BPIFA2: variants seen among roughly 807,000 people sequenced by gnomAD.
BPIFA2 encodes BPI fold containing family A member 2, also known as BPI fold-containing family A member 2.
In BPIFA2, 20 loss-of-function variants were observed where a neutral mutation model predicts 25.7. The observed-to-expected ratio is 0.78, with a 90% CI of 0.55 to 1.13. The LOEUF (loss-of-function observed/expected upper bound fraction) is 1.13, where lower values mean the gene tolerates loss of function less well. Among genes scored for constraint, BPIFA2 ranks in the 50% most tolerant of loss-of-function variants. BPIFA2 has a pLI of 0.00. For missense variants in BPIFA2, 300 were observed against 298.1 expected (o/e 1.01, Z -0.05); for synonymous variants, 126 against 124.3 (o/e 1.01, Z -0.09).
intron 3 of BPIFA2, 60 bp from the exon 4 acceptor site, chr20:33,174,019 A>G: frequency 2.9e-6 from 4 of 1,401,410 alleles, no homozygotes; most frequent in African/African-American, 1.4e-5. Flanking sequence ...TGGCCCAGGG[A>G]AGTGGTTGGC....
At chr20:33,178,565 A>G (rs1984163248) in intron 6 of BPIFA2, among the ~76,000 whole-genome samples, 1 of 152,216 alleles carries the variant, frequency 6.6e-6, no homozygotes, top group South Asian at 2.1e-4. Context: ...TTATATCCCT[A>G]TCATAAATAG....
upstream of BPIFA2, among the ~76,000 whole-genome samples, chr20:33,163,789 A>AATAT (rs142912228): frequency 2.4e-4 from 36 of 148,624 alleles, 1 homozygote; most frequent in Admixed American, 6.7e-5. Context: ...CTTTGTTTAA[A>AATAT]ATATATATAT....
At chr20:33,176,844 G>T (rs1984095011) in intron 5 of BPIFA2, among the ~76,000 whole-genome samples, 1 of 152,078 alleles carries the variant, frequency 6.6e-6, no homozygotes, top group South Asian at 2.1e-4. Flanking sequence ...TGTTTCTCAA[G>T]GCTCTTTCCC....
At chr20:33,164,884 C>T (rs982883088), upstream of BPIFA2, among the ~76,000 whole-genome samples, 5 of 152,238 alleles carry the variant, frequency 3.3e-5, no homozygotes, top group Non-Finnish European at 7.3e-5. Context: ...ATTCAGGGAA[C>T]ATTCCATGGG....
chr20:33,175,645 G>A (rs1984054214), intron 5 of BPIFA2, 86 bp downstream of exon 5: 3 of 1,381,544 alleles, frequency 2.2e-6, no homozygotes, highest in Non-Finnish European at 2.0e-6. Flanking sequence ...CCTAAGAGGA[G>A]GCCTAGTGGT....
At chr20:33,170,874 T>C (rs955164635) in intron 2 of BPIFA2, among the ~76,000 whole-genome samples, 1 of 152,238 alleles carries the variant, frequency 6.6e-6, no homozygotes, top group Non-Finnish European at 1.5e-5. Flanking sequence ...GGGTTTTACA[T>C]TTAAGTATTT....
chr20:33,180,379 G>T, intron 7 of BPIFA2, 141 bp from the exon 8 acceptor site: 1 of 859,920 alleles, frequency 1.2e-6, no homozygotes, highest in Non-Finnish European at 1.9e-6. Flanking sequence ...TGAACAAACT[G>T]AAGCTCAGAG....
chr20:33,172,992 T>C lies in BPIFA2; in HGVS notation c.218T>C (p.Leu73Pro), dbSNP rs528973379. ...GVLQKSSAWQ[L>P]AKQKAQEAEK... ...CTTCAGAAATCCAGTGCTTGGCAAC[T>C]GGCCAAGCAGAAGGCCCAGGAAGCT... The change falls in exon 3 of 9, where the codon CTG becomes CCG. Residue 73 changes from leucine to proline, a missense_variant. Coordinates refer to ENST00000354932, the MANE Select transcript of BPIFA2 (RefSeq NM_080574.4). The C allele has an allele frequency of 9.9e-6, 16 of 1,614,068 alleles. No homozygotes were observed. The South Asian group carries it at 1.8e-4, about 18-fold the overall frequency.
chr20:33,168,120 CT>C (rs1370444183), upstream of BPIFA2: 4 of 144,104 alleles, frequency 2.8e-5, no homozygotes, highest in Non-Finnish European at 6.2e-5. Context: ...TCCATCCCAT[CT>C]CCACCATATA....
chr20:33,175,001 C>G (rs1343347146), intron 4 of BPIFA2, among the ~76,000 whole-genome samples: 6 of 152,156 alleles, frequency 3.9e-5, no homozygotes, highest in Admixed American at 3.9e-4. Flanking sequence ...ACTAATGATG[C>G]CACCCATTAT....
intron 7 of BPIFA2, among the ~76,000 whole-genome samples, chr20:33,180,304 CTA>C (rs1218031226): frequency 1.3e-5 from 2 of 152,170 alleles, no homozygotes. Flanking sequence ...TCTGTACACA[CTA>C]TCTCACTGGA....
At chr20:33,173,452 G>A (rs915022379) in intron 3 of BPIFA2, among the ~76,000 whole-genome samples, 1 of 152,238 alleles carries the variant, frequency 6.6e-6, no homozygotes, top group African/African-American at 2.4e-5. Flanking sequence ...TGGAGTCTTC[G>A]CCACATAACC....
chr20:33,175,966 C>A lies in BPIFA2; in HGVS notation c.563+407C>A, dbSNP rs1320127403. 2.6e-5 allele frequency among the ~76,000 whole-genome samples: 4 copies of A among 151,958 alleles called. No individual in the cohort carries two copies. The East Asian group carries it at 7.7e-4, about 29-fold the overall frequency. ...AACTCGGTCAGTTTCTGCTTCATACCCTTTGGAGCTCTGTTGTTAGGTGCA... is the reference window on the plus strand; with the variant it reads ...AACTCGGTCAGTTTCTGCTTCATACACTTTGGAGCTCTGTTGTTAGGTGCA... On this transcript the variant is annotated intron_variant, in intron 5 of 8. Coordinates refer to ENST00000354932, the MANE Select transcript of BPIFA2 (RefSeq NM_080574.4).
chr20:33,163,117 A>G (rs1983626361), intron 1 of BPIFA2, among the ~76,000 whole-genome samples: 1 of 152,216 alleles, frequency 6.6e-6, no homozygotes, highest in Non-Finnish European at 1.5e-5. Context: ...CACACAGGAC[A>G]GGACCCAGGT....
At chr20:33,164,618 C>T (rs1983672294), upstream of BPIFA2, among the ~76,000 whole-genome samples, 1 of 151,618 alleles carries the variant, frequency 6.6e-6, no homozygotes, top group Non-Finnish European at 1.5e-5. Context: ...TTCTTCCCTC[C>T]CTCCTTCCCT....
At position 33,175,498 on chromosome 20, in the gene BPIFA2, G is replaced by C. The variant is rs1455163756; in HGVS notation, c.502G>C (p.Val168Leu). Residue 168 changes from valine to leucine, a missense_variant, in exon 5 of 9, where the codon GTT (valine) becomes CTT (leucine). Physicochemically the swap from Val to Leu is conservative, Grantham distance 32 (BLOSUM62 1). Transcript: ENST00000354932. ...IETDPQTHQP[V>L]AVLGECASDP... Reference sequence around the variant, plus strand: ...AACTGATCCCCAGACACACCAGCCTGTTGCCGTCCTGGGAGAATGCGCCAG... The same window carrying C: ...AACTGATCCCCAGACACACCAGCCTCTTGCCGTCCTGGGAGAATGCGCCAG... 2 of 1,614,158 alleles carry C rather than the reference G, an allele frequency of 1.2e-6. No individual in the cohort carries two copies. Among genetic ancestry groups the C allele is most frequent in the Non-Finnish European group, 8.5e-7 (1 of 1,180,012 alleles).
rs145190686 is a variant in BPIFA2 at position 33,168,580 on chromosome 20, C to T, written c.-16+371C>T. Among the ~76,000 whole-genome samples, 197 of 152,252 alleles carry T rather than the reference C, an allele frequency of 1.3e-3. 4 individuals are homozygous for T. The East Asian group carries it at 0.033, about 26-fold the overall frequency. ...TACTTATATTCAACAAAGATTTATT[C>T]GTTTACTGTACTGTACTAGGTGCAG... On this transcript the variant is annotated intron_variant, in intron 1 of 8. Coordinates refer to ENST00000354932, the MANE Select transcript of BPIFA2 (RefSeq NM_080574.4).
chr20:33,176,741 C>G (rs1984091814), intron 5 of BPIFA2, among the ~76,000 whole-genome samples: 1 of 152,186 alleles, frequency 6.6e-6, no homozygotes, highest in Admixed American at 6.5e-5. Flanking sequence ...CATGAAGGCT[C>G]TGTTTGATCT....
Position 33,173,094 on chromosome 20 carries a change from G to C in BPIFA2, c.302+18G>C. 1 of 1,611,276 alleles carries C rather than the reference G, an allele frequency of 6.2e-7. No homozygotes were observed. Among genetic ancestry groups the C allele is most frequent in the South Asian group, 1.1e-5 (1 of 90,650 alleles). On this transcript the variant is annotated intron_variant, in intron 3 of 8. Coordinates refer to ENST00000354932, the MANE Select transcript of BPIFA2 (RefSeq NM_080574.4). ...ATTTTTGGGTGAGTTGGTCCTTCAGGGTGGAGATCTTTGCTCTAAGGAAAG... is the reference window on the plus strand; with the variant it reads ...ATTTTTGGGTGAGTTGGTCCTTCAGCGTGGAGATCTTTGCTCTAAGGAAAG...
Sources: gnomAD v4.1 joint callset for allele counts (sites outside exome capture counted in the v4.1 genomes callset) on GRCh38, gnomAD v4.1.1 for gene constraint, MANE v1.5 for transcripts, NCBI Gene and HGNC (gene_info 2026-07-23, HGNC 2026-07-21) for gene names.